The following ZNF157 variants were observed in gnomAD, a reference collection of about 807,000 sequenced individuals.
The protein encoded by ZNF157 is zinc finger protein 157, also known as zinc finger protein 22.
Under a neutral mutation model 9.4 loss-of-function variants are expected in ZNF157, and 8 were observed. The observed-to-expected ratio is 0.85, with a 90% confidence interval of 0.50 to 1.53. The LOEUF is 1.53. Among genes scored for constraint, ZNF157 ranks in the 40% most tolerant of loss-of-function variants. The pLI, the probability that ZNF157 is intolerant of heterozygous loss-of-function variation, is 0.00. For synonymous variants in ZNF157, 120 were observed against 130.8 expected, an observed-to-expected ratio of 0.92 and a Z score of 0.56; for missense variants, 316 against 385.2, an observed-to-expected ratio of 0.82 and a Z score of 1.50.
intron 1 of ZNF157, among the ~76,000 whole-genome samples, chrX:47,376,078 T>A (rs371999064): frequency 4.9e-4 from 55 of 112,020 alleles, no homozygotes; most frequent in Middle Eastern, 9.2e-3. Context: ...CACTTAGCAA[T>A]TTGTATTTAA....
At chrX:47,408,449 C>G (rs2055953815) in intron 1 of ZNF157, among the ~76,000 whole-genome samples, 2 of 109,173 alleles carry the variant, frequency 1.8e-5, no homozygotes, top group African/African-American at 6.7e-5. Context: ...GGATCTCGCT[C>G]TGTCACACAG....
chrX:47,373,281 G>A (rs2055834134), intron 1 of ZNF157, among the ~76,000 whole-genome samples: 1 of 111,319 alleles, frequency 9.0e-6, no homozygotes, highest in Non-Finnish European at 1.9e-5. Context: ...TGTCTGGGCC[G>A]GTGGCTCACA....
At chrX:47,382,896 A>G (rs1008187269) in intron 1 of ZNF157, among the ~76,000 whole-genome samples, 1 of 110,691 alleles carries the variant, frequency 9.0e-6, no homozygotes, top group Non-Finnish European at 1.9e-5. Flanking sequence ...TAGGCACCCC[A>G]TGTAAACTTA....
chrX:47,383,849 ATACACGGAGG>A (rs11277834), intron 1 of ZNF157, among the ~76,000 whole-genome samples: 9,176 of 110,136 alleles, frequency 0.083, 992 homozygotes, highest in African/African-American at 0.29. Flanking sequence ...TGGAAGCCTC[ATACACGGAGG>A]TACCAAAATC....
chrX:47,392,013 C>A (rs1280464567), intron 1 of ZNF157, among the ~76,000 whole-genome samples: 3 of 110,277 alleles, frequency 2.7e-5, no homozygotes, highest in African/African-American at 9.9e-5. Context: ...CCTCAGCCTC[C>A]TAAGTAGCTG....
At chrX:47,408,105 ATT>A (rs745781573) in intron 1 of ZNF157, among the ~76,000 whole-genome samples, 3 of 102,355 alleles carry the variant, frequency 2.9e-5, no homozygotes, top group African/African-American at 1.1e-4. Context: ...GAAGGAAGAA[ATT>A]TTTTTTTTTT....
At chrX:47,409,941 G>A (rs758604132) in intron 1 of ZNF157, among the ~76,000 whole-genome samples, 2 of 111,881 alleles carry the variant, frequency 1.8e-5, no homozygotes, top group South Asian at 3.7e-4. Context: ...GAGCCACCGC[G>A]CCCAGCCTCC....
At chrX:47,406,780 G>C (rs1198479192) in intron 1 of ZNF157, among the ~76,000 whole-genome samples, 1 of 112,539 alleles carries the variant, frequency 8.9e-6, no homozygotes, top group East Asian at 2.8e-4. Flanking sequence ...TATTGTGTGA[G>C]AACAGAGACA....
chrX:47,393,546 C>T (rs1275318538), intron 1 of ZNF157, among the ~76,000 whole-genome samples: 1 of 110,840 alleles, frequency 9.0e-6, no homozygotes, highest in East Asian at 2.8e-4. Context: ...CATGCTTTCC[C>T]AACAGTGAAT....
chrX:47,409,918 G>A (rs1441447826), intron 1 of ZNF157, among the ~76,000 whole-genome samples: 1 of 111,031 alleles, frequency 9.0e-6, no homozygotes, highest in Non-Finnish European at 1.9e-5. Flanking sequence ...CAAAGTGCTG[G>A]GATTACAGGC....
At chrX:47,382,388 C>T (rs1398382716) in intron 1 of ZNF157, among the ~76,000 whole-genome samples, 7 of 94,898 alleles carry the variant, frequency 7.4e-5, no homozygotes, top group South Asian at 5.8e-4. Flanking sequence ...CTCCCGGGTT[C>T]AAGCGATTCT....
chrX:47,382,202 G>A (rs1257753162), intron 1 of ZNF157, among the ~76,000 whole-genome samples: 1 of 108,942 alleles, frequency 9.2e-6, no homozygotes, highest in African/African-American at 3.3e-5. Context: ...GGAGGACATT[G>A]AGTTCTGTCT....
intron 1 of ZNF157, among the ~76,000 whole-genome samples, chrX:47,396,535 G>A (rs754956402): frequency 5.5e-5 from 6 of 109,114 alleles, no homozygotes; most frequent in Middle Eastern, 4.8e-3. Flanking sequence ...GCGAAACTCC[G>A]TCTCAAAAAA....
intron 1 of ZNF157, among the ~76,000 whole-genome samples, chrX:47,406,885 C>T (rs890516250): frequency 8.9e-6 from 1 of 112,184 alleles, no homozygotes; most frequent in Non-Finnish European, 1.9e-5. Context: ...ATTTTGATTT[C>T]GAATAGGATT....
intron 3 of ZNF157, among the ~76,000 whole-genome samples, chrX:47,411,985 G>A (rs897350318): frequency 1.8e-5 from 2 of 111,331 alleles, no homozygotes; most frequent in Non-Finnish European, 3.8e-5. Flanking sequence ...TTTTGATGGA[G>A]TCTCACTCTG....
At chrX:47,404,367 G>A (rs2055940442) in intron 1 of ZNF157, among the ~76,000 whole-genome samples, 1 of 109,021 alleles carries the variant, frequency 9.2e-6, no homozygotes, top group African/African-American at 3.3e-5. Flanking sequence ...ATTTCACCAT[G>A]TTGGCCAGGC....
chrX:47,381,539 T>A (rs1165511129), intron 1 of ZNF157, among the ~76,000 whole-genome samples: 3 of 112,438 alleles, frequency 2.7e-5, no homozygotes, highest in Non-Finnish European at 5.6e-5. Context: ...ATTATGTTTT[T>A]AATTTTAAAT....
intron 1 of ZNF157, among the ~76,000 whole-genome samples, chrX:47,403,946 G>C (rs9699098): frequency 0.093 from 10,289 of 110,800 alleles, 1,205 homozygotes; most frequent in African/African-American, 0.32. Context: ...GAGGCGGGCA[G>C]ATCACTTGAG....
In ZNF157 at chrX:47,412,408, A is replaced by C. The variant is rs1223440048; in HGVS notation, c.335A>C (p.Asp112Ala). 1 of 1,208,142 alleles carries C rather than the reference A, an allele frequency of 8.3e-7. No individual in the cohort carries two copies. Among genetic ancestry groups the C allele is most frequent in the Admixed American group, 2.2e-5 (1 of 45,710 alleles). The change falls in exon 4 of 4, where the codon GAT becomes GCT. Residue 112 changes from aspartate (D) to alanine (A), a missense_variant. Coordinates refer to ENST00000377073, the MANE Select transcript of ZNF157 (RefSeq NM_003446.4). ...CTGTGTGGCAATGGTTCTGTTGGGG[A>C]TAATGCCCTCAGGCATGATAATGAC... Reference protein sequence around the residue: ...SLLCGNGSVGDNALRHDNDLL... With the variant: ...SLLCGNGSVGANALRHDNDLL...
Sources: gnomAD v4.1 joint callset for allele counts (sites outside exome capture counted in the v4.1 genomes callset) on GRCh38, gnomAD v4.1.1 for gene constraint, MANE v1.5 for transcripts, NCBI Gene and HGNC (gene_info 2026-07-23, HGNC 2026-07-21) for gene names.